The following THSD4 variants were observed in gnomAD, a reference collection of about 807,000 sequenced individuals.
THSD4 encodes thrombospondin type 1 domain containing 4, also known as thrombospondin type-1 domain-containing protein 4.
A neutral mutation model predicts 119.0 loss-of-function variants in THSD4; 69 were observed. The ratio of observed to expected loss-of-function variants is 0.58; its 90% CI spans 0.48 to 0.71. THSD4 has a LOEUF of 0.71. Ranked by LOEUF, THSD4 falls within the 30% of genes least tolerant of loss-of-function variation. THSD4 has a pLI of 0.00. For missense variants in THSD4, 1,393 were observed against 1,391.1 expected, an observed-to-expected ratio of 1.00 and a Z score of -0.02; for synonymous variants, 524 against 540.4, an observed-to-expected ratio of 0.97 and a Z score of 0.42.
At chr15:71,534,476 G>A (rs1426931176) in intron 7 of THSD4, among the ~76,000 whole-genome samples, 1 of 152,110 alleles carries the variant, frequency 6.6e-6, no homozygotes, top group Non-Finnish European at 1.5e-5. Flanking sequence ...CTTCATTTGT[G>A]AACTGCCTAT....
intron 7 of THSD4, among the ~76,000 whole-genome samples, chr15:71,534,749 C>T (rs540214933): frequency 1.3e-5 from 2 of 152,150 alleles, no homozygotes; most frequent in African/African-American, 4.8e-5. Context: ...TAGGCCAAGG[C>T]GGGCGGATCA....
At chr15:71,644,142 G>A (rs542277883) in intron 7 of THSD4, among the ~76,000 whole-genome samples, 91 of 152,318 alleles carry the variant, frequency 6.0e-4, no homozygotes, top group African/African-American at 1.9e-3. Context: ...ACAGAAAACA[G>A]TAGGACTCAG....
chr15:71,165,508 A>G (rs2043287079), intron 3 of THSD4: 10 of 873,884 alleles, frequency 1.1e-5, no homozygotes, highest in Non-Finnish European at 1.8e-5. Context: ...AGCTCAATGT[A>G]CTGCCAAAAC....
chr15:71,404,100 A>G (rs2046574338), intron 6 of THSD4, among the ~76,000 whole-genome samples: 1 of 152,212 alleles, frequency 6.6e-6, no homozygotes, highest in Non-Finnish European at 1.5e-5. Context: ...TCACAACTTT[A>G]TTGAAATAAA....
chr15:71,242,613 C>T (rs2140274470), intron 4 of THSD4, 36 bp from the exon 5 acceptor site: 1 of 1,594,660 alleles, frequency 6.3e-7, no homozygotes, highest in Non-Finnish European at 8.6e-7. Context: ...ATTCATCCGA[C>T]TCTGATCATC....
chr15:71,503,421 CA>C (rs1415855530), intron 7 of THSD4, among the ~76,000 whole-genome samples: 1 of 152,174 alleles, frequency 6.6e-6, no homozygotes, highest in Non-Finnish European at 1.5e-5. Context: ...GTCCACACCA[CA>C]CTTTCCCATT....
chr15:71,248,946 T>G (rs2044231044), intron 5 of THSD4, among the ~76,000 whole-genome samples: 2 of 152,082 alleles, frequency 1.3e-5, no homozygotes, highest in African/African-American at 4.8e-5. Context: ...ATGGACAGAA[T>G]GGGGGTTTCA....
intron 6 of THSD4, among the ~76,000 whole-genome samples, chr15:71,393,497 G>C (rs1435330532): frequency 2.6e-5 from 4 of 152,072 alleles, no homozygotes; most frequent in Non-Finnish European, 5.9e-5. Flanking sequence ...TAGAATCTCA[G>C]GGAAAAGGCT....
chr15:71,193,342 A>C (rs962592761), intron 3 of THSD4, among the ~76,000 whole-genome samples: 12 of 152,194 alleles, frequency 7.9e-5, no homozygotes, highest in Admixed American at 3.3e-4. Context: ...AATTTTCACA[A>C]GCACTTAAAC....
chr15:71,413,230 C>T (rs2046714096), intron 7 of THSD4, among the ~76,000 whole-genome samples: 1 of 152,196 alleles, frequency 6.6e-6, no homozygotes, highest in Non-Finnish European at 1.5e-5. Context: ...CCAGGCTGGT[C>T]TTGAACCCCT....
At chr15:71,731,327 T>C in intron 10 of THSD4, 110 bp downstream of exon 10, 1 of 1,070,270 alleles carries the variant, frequency 9.3e-7, no homozygotes, top group Non-Finnish European at 1.4e-6. Flanking sequence ...ACAGAGAAAA[T>C]TGAGGGACGC....
At chr15:71,101,252 T>C (rs1233424212) in intron 1 of THSD4, among the ~76,000 whole-genome samples, 4 of 152,066 alleles carry the variant, frequency 2.6e-5, no homozygotes, top group Non-Finnish European at 5.9e-5. Context: ...TATATTACTA[T>C]TATATTTTAT....
chr15:71,472,628 A>C (rs2047597554), intron 7 of THSD4, among the ~76,000 whole-genome samples: 2 of 152,190 alleles, frequency 1.3e-5, no homozygotes, highest in South Asian at 4.1e-4. Context: ...TCTCCTGAGG[A>C]ATTTTTCTTC....
intron 4 of THSD4, among the ~76,000 whole-genome samples, chr15:71,219,759 T>C (rs2043960458): frequency 1.3e-5 from 2 of 152,202 alleles, no homozygotes; most frequent in African/African-American, 4.8e-5. Flanking sequence ...TCACATTTTA[T>C]AAACAATGAA....
intron 4 of THSD4, among the ~76,000 whole-genome samples, chr15:71,220,879 TC>T (rs2043970152): frequency 6.6e-6 from 1 of 151,958 alleles, no homozygotes; most frequent in African/African-American, 2.4e-5. Context: ...CTCAGAAAAA[TC>T]CTCCACAAAG....
At chr15:71,151,161 G>A (rs2040718897) in intron 2 of THSD4, among the ~76,000 whole-genome samples, 1 of 152,174 alleles carries the variant, frequency 6.6e-6, no homozygotes, top group Non-Finnish European at 1.5e-5. Context: ...GTGAGGGAAC[G>A]AGTAGAATTG....
intron 1 of THSD4, among the ~76,000 whole-genome samples, chr15:71,117,925 A>T (rs1022546884): frequency 1.3e-5 from 2 of 152,204 alleles, no homozygotes; most frequent in African/African-American, 4.8e-5. Flanking sequence ...AGGCTAGCAG[A>T]TGATAAATAA....
chr15:71,484,063 G>T (rs1243857650), intron 7 of THSD4, among the ~76,000 whole-genome samples: 1 of 152,098 alleles, frequency 6.6e-6, no homozygotes, highest in Non-Finnish European at 1.5e-5. Flanking sequence ...TCTCAGAATG[G>T]TATATATTTC....
At position 71,587,662 on chromosome 15, in the gene THSD4, T is replaced by C. The variant is rs2049699554; in HGVS notation, c.1153-72868T>C. On this transcript the variant is annotated intron_variant, in intron 7 of 17. Coordinates refer to ENST00000261862, the MANE Select transcript of THSD4 (RefSeq NM_024817.3). ...AGGGGAGGGATAGCATTGGGAGATA[T>C]ACCTAAGGCTAGATGACGAGTTAGT... Among the ~76,000 whole-genome samples, 6 of 134,802 alleles carry C rather than the reference T, an allele frequency of 4.5e-5. No individual in the cohort carries two copies. In the South Asian group the frequency reaches 1.7e-3, roughly 39 times the overall value. The allele number at this position is 134,802 out of a possible 152,430, so 88.4% of individuals were successfully genotyped here.
Sources: allele counts gnomAD v4.1 joint callset (sites outside exome capture counted in the v4.1 genomes callset), GRCh38; gene constraint gnomAD v4.1.1; transcripts MANE v1.5; gene names NCBI Gene and HGNC (gene_info 2026-07-23, HGNC 2026-07-21).